TMEM45B: variants seen among roughly 807,000 people sequenced by gnomAD.
TMEM45B encodes transmembrane protein 45B.
In TMEM45B, 29 loss-of-function variants were observed where a neutral mutation model predicts 27.3. That is an observed-to-expected ratio of 1.06 (90% CI 0.79 to 1.45). The LOEUF is 1.45. TMEM45B is among the 40% of genes most tolerant of loss of function. TMEM45B has a pLI of 0.00. For synonymous variants in TMEM45B, 143 were observed against 134.7 expected (o/e 1.06, Z -0.43); for missense variants, 348 against 343.9 (o/e 1.01, Z -0.09).
At position 129,819,389 on chromosome 11, in the gene TMEM45B, T is replaced by C. The variant is rs56064926; in HGVS notation, c.-9+3491T>C. Among the ~76,000 whole-genome samples, 41 of 152,200 alleles carry C rather than the reference T, an allele frequency of 2.7e-4. No homozygotes were observed. In the East Asian group the frequency reaches 7.3e-3, roughly 27 times the overall value. The stretch of plus-strand genomic sequence containing the variant: ...TGGGGCTGGGAAAGGGGTTCCGATA[T>C]GAACGTCATCTGAGACAGGCTCCTT... On this transcript the variant is annotated intron_variant, in intron 1 of 5. Transcript: ENST00000281441.
intron 1 of TMEM45B, among the ~76,000 whole-genome samples, chr11:129,837,585 C>CTTGTTTTTTTTTTTTTTTTTTTTTTT (rs1947636930): frequency 2.5e-5 from 2 of 80,294 alleles, no homozygotes; most frequent in East Asian, 4.5e-4. Context: ...CTGCACTGGG[C>CTTGTTTTTTTTTTTTTTTTTTTTTTT]TTTTTTTTTT....
intron 1 of TMEM45B, among the ~76,000 whole-genome samples, chr11:129,821,752 T>C (rs1276482186): frequency 6.6e-6 from 1 of 152,198 alleles, no homozygotes; most frequent in East Asian, 1.9e-4. Context: ...TTCTAATTCC[T>C]GATCCCTTGT....
chr11:129,837,944 G>A (rs568564276), intron 1 of TMEM45B, among the ~76,000 whole-genome samples: 3 of 151,818 alleles, frequency 2.0e-5, no homozygotes, highest in Non-Finnish European at 2.9e-5. Flanking sequence ...ACCATGCCCA[G>A]CTAATTTTTG....
chr11:129,848,270 G>T (rs1212439439), intron 1 of TMEM45B, among the ~76,000 whole-genome samples: 2 of 151,888 alleles, frequency 1.3e-5, no homozygotes, highest in Non-Finnish European at 2.9e-5. Flanking sequence ...CGGCACCTCG[G>T]GAGGCCGAGG....
chr11:129,822,062 T>C (rs558357267), intron 1 of TMEM45B, among the ~76,000 whole-genome samples: 2 of 152,304 alleles, frequency 1.3e-5, no homozygotes, highest in South Asian at 4.1e-4. Context: ...TTTATCTTTT[T>C]TATTTTAAAA....
rs55636739 is a variant in TMEM45B at position 129,847,109 on chromosome 11, TGA to T, written c.-8-5360_-8-5359del. On this transcript the variant is annotated intron_variant, in intron 1 of 5. Coordinates refer to ENST00000281441, the MANE Select transcript of TMEM45B (RefSeq NM_138788.5). Reference sequence around the variant, plus strand: ...CAGGGTGGGGAAGAGGGAGAGGCTGTGAGAGAGCTCCAGGAAGTTGGTAGGTG... The same window carrying T: ...CAGGGTGGGGAAGAGGGAGAGGCTGTGAGAGCTCCAGGAAGTTGGTAGGTG... Among the ~76,000 whole-genome samples the T allele has an allele frequency of 5.7e-3, 862 of 152,324 alleles. 6 individuals carry two copies. The highest frequency in any genetic ancestry group is 0.01 in the Middle Eastern group (3 of 294).
At position 129,858,687 on chromosome 11, in the gene TMEM45B, C is replaced by T; in HGVS notation, c.*2C>T. On this transcript the variant is annotated 3_prime_UTR_variant, in exon 6 of 6. Coordinates refer to ENST00000281441, the MANE Select transcript of TMEM45B (RefSeq NM_138788.5). ...TTGAGTGGCTCAGATGAGGAATGAG[C>T]CGAGATGCGGAGGGCGCAGATGTCC... 1 of 1,553,364 alleles carries T rather than the reference C, an allele frequency of 6.4e-7. No homozygotes were observed. Among genetic ancestry groups the T allele is most frequent in the Middle Eastern group, 1.7e-4 (1 of 5,978 alleles).
intron 1 of TMEM45B, among the ~76,000 whole-genome samples, chr11:129,850,149 GTT>G (rs775617921): frequency 7.0e-6 from 1 of 142,460 alleles, no homozygotes; most frequent in Admixed American, 7.0e-5. Flanking sequence ...CTTTTCTCAC[GTT>G]TTTTTTTTTG....
chr11:129,855,607 C>A, intron 3 of TMEM45B, 101 bp from the exon 4 acceptor site: 1 of 1,191,320 alleles, frequency 8.4e-7, no homozygotes. Flanking sequence ...GTACTAACTG[C>A]CTAAATGCTG....
At chr11:129,836,538 C>A (rs1947622258) in intron 1 of TMEM45B, among the ~76,000 whole-genome samples, 1 of 152,078 alleles carries the variant, frequency 6.6e-6, no homozygotes, top group African/African-American at 2.4e-5. Flanking sequence ...TCTCCCAGTA[C>A]CTCAGGATGT....
intron 1 of TMEM45B, among the ~76,000 whole-genome samples, chr11:129,837,948 A>C (rs2135575734): frequency 6.6e-6 from 1 of 151,234 alleles, no homozygotes; most frequent in East Asian, 2.0e-4. Context: ...TGCCCAGCTA[A>C]TTTTTGCATT....
In TMEM45B at chr11:129,858,514, C is replaced by A; in HGVS notation, c.717-60C>A. The stretch of plus-strand genomic sequence containing the variant: ...TAAGAATCAGTAGATGCCTTCACAT[C>A]CTTGGTAATGGATTAAGGGAATCTC... On this transcript the variant is annotated intron_variant, in intron 5 of 5. Coordinates refer to ENST00000281441, the MANE Select transcript of TMEM45B (RefSeq NM_138788.5). 3.2e-6 allele frequency: 4 copies of A among 1,239,374 alleles called. No individual in the cohort carries two copies. The Admixed American group carries it at 6.5e-5, about 20-fold the overall frequency. The allele number at this position is 1,239,374 out of a possible 1,614,324, so 76.8% of individuals were successfully genotyped here. A position where few individuals can be genotyped will look rare whatever the true frequency, so the allele number is the denominator to read the frequency against.
At chr11:129,831,624 A>G (rs560722050) in intron 1 of TMEM45B, among the ~76,000 whole-genome samples, 4 of 152,258 alleles carry the variant, frequency 2.6e-5, no homozygotes, top group Non-Finnish European at 4.4e-5. Context: ...AGACTACTGC[A>G]TATCCAAGAG....
chr11:129,835,332 G>A (rs770793087), intron 1 of TMEM45B, among the ~76,000 whole-genome samples: 14 of 152,282 alleles, frequency 9.2e-5, no homozygotes, highest in South Asian at 2.1e-4. Context: ...TCAGCAAGTC[G>A]GGAACAGAGA....
chr11:129,843,949 T>C (rs554091179), intron 1 of TMEM45B, among the ~76,000 whole-genome samples: 29 of 152,322 alleles, frequency 1.9e-4, no homozygotes, highest in Admixed American at 1.6e-3. Flanking sequence ...TCTGTGTATA[T>C]ATCGAAAGCA....
rs1345716789 is a variant in TMEM45B, at chr11:129,854,745, T to TCAC, written c.316_318dup (p.Thr106dup). On this transcript the variant is annotated inframe_insertion, in exon 3 of 6. Transcript: ENST00000281441. ...GCAGTCTCAGGAATTGTTGACATGC[T>TCAC]CACCTATCTGGTCAGCCACGTTCCC... is the stretch of plus-strand genomic sequence containing the variant. 1.2e-6 allele frequency: 2 copies of TCAC among 1,614,122 alleles called. No homozygotes were observed. The highest frequency in any genetic ancestry group is 1.7e-6 in the Non-Finnish European group (2 of 1,180,044).
chr11:129,855,983 T>C (rs1947918981), intron 4 of TMEM45B, 91 bp downstream of exon 4: 1 of 1,471,244 alleles, frequency 6.8e-7, no homozygotes, highest in East Asian at 2.3e-5. Context: ...GAATATGGGG[T>C]CTGAAAATGC....
Position 129,817,737 on chromosome 11 carries a change from C to T in TMEM45B, c.-9+1839C>T, listed in dbSNP as rs1464548479. Among the ~76,000 whole-genome samples, 4 of 152,254 alleles carry T rather than the reference C, an allele frequency of 2.6e-5. No individual in the cohort carries two copies. The East Asian group carries it at 7.7e-4, about 29-fold the overall frequency. ...GGTAATTGAATCTCACATTTGGCAC[C>T]AGTTATTTCTGTTTCTCATCTCCCC... is the stretch of plus-strand genomic sequence containing the variant. On this transcript the variant is annotated intron_variant, in intron 1 of 5. Coordinates refer to ENST00000281441, the MANE Select transcript of TMEM45B (RefSeq NM_138788.5).
intron 1 of TMEM45B, among the ~76,000 whole-genome samples, chr11:129,845,337 ATGTGTGTGTGTGTG>A (rs10628378): frequency 3.2e-4 from 39 of 121,528 alleles, no homozygotes; most frequent in African/African-American, 1.3e-3. Flanking sequence ...GCTATTATAG[ATGTGTGTGTGTGTG>A]TGTGTGTGTG....
Sources: gnomAD v4.1 joint callset for allele counts (sites outside exome capture counted in the v4.1 genomes callset) on GRCh38, gnomAD v4.1.1 for gene constraint, MANE v1.5 for transcripts, NCBI Gene and HGNC (gene_info 2026-07-23, HGNC 2026-07-21) for gene names.